The following SYNE2 variants were observed in gnomAD, a reference collection of about 807,000 sequenced individuals.
SYNE2 encodes the protein spectrin repeat containing nuclear envelope protein 2.
SYNE2 carries 431 observed loss-of-function variants against 856.3 expected under a neutral mutation model. That is an observed-to-expected ratio of 0.50 (90% confidence interval 0.47 to 0.55). The LOEUF (loss-of-function observed/expected upper bound fraction) is 0.55, where lower values mean the gene tolerates loss of function less well. SYNE2 is among the 20% of genes least tolerant of loss of function. SYNE2 has a pLI of 0.00. For synonymous variants in SYNE2, 2,923 were observed against 2,872.3 expected (o/e 1.02, Z -0.56); for missense variants, 8,129 against 8,023.2 (o/e 1.01, Z -0.50).
chr14:64,008,921 C>T (rs1038048704), intron 31 of SYNE2, among the ~76,000 whole-genome samples: 2 of 152,146 alleles, frequency 1.3e-5, no homozygotes, highest in Non-Finnish European at 2.9e-5. Flanking sequence ...CTGTGTGCCT[C>T]GGCCTCCCTG....
In SYNE2 at chr14:64,167,351, G is replaced by T. The variant is rs1465502471; in HGVS notation, c.16724G>T (p.Trp5575Leu). The change falls in exon 91 of 116, where the codon TGG becomes TTG. Residue 5575 changes from tryptophan to leucine, a missense_variant. Around this residue, in one of 3 missense-constraint regions of SYNE2, gnomAD observed 5,410 missense variants for 5,284.8 expected, o/e 1.02. Transcript: ENST00000555002. Reference sequence around the variant, plus strand: ...ACGTTACAAAATATGAACCGGCAATGGATTCGGGCCACGGCCACGGCACTG... The same window carrying T: ...ACGTTACAAAATATGAACCGGCAATTGATTCGGGCCACGGCCACGGCACTG... ...VKTLQNMNRQ[W>L]IRATATALER... 1 of 1,614,204 alleles carries T rather than the reference G, an allele frequency of 6.2e-7. No individual in the cohort carries two copies. Among genetic ancestry groups the T allele is most frequent in the Non-Finnish European group, 8.5e-7 (1 of 1,180,018 alleles).
At chr14:63,973,250 C>T (rs1053746080) in intron 11 of SYNE2, among the ~76,000 whole-genome samples, 1 of 151,352 alleles carries the variant, frequency 6.6e-6, no homozygotes, top group Non-Finnish European at 1.5e-5. Context: ...CGTCTCAAAA[C>T]AAAAAGAAAA....
At chr14:64,068,588 G>C (rs897147605) in intron 51 of SYNE2, among the ~76,000 whole-genome samples, 4 of 152,092 alleles carry the variant, frequency 2.6e-5, no homozygotes, top group African/African-American at 9.7e-5. Flanking sequence ...GTGGCCAGGA[G>C]CAGTGGCTCA....
chr14:63,963,418 A>G (rs2096348392), intron 9 of SYNE2, among the ~76,000 whole-genome samples: 1 of 152,256 alleles, frequency 6.6e-6, no homozygotes. Context: ...AAGCAAGTTT[A>G]CCACCTAAGC....
chr14:63,905,530 C>T (rs2095397192), intron 1 of SYNE2, among the ~76,000 whole-genome samples: 1 of 152,086 alleles, frequency 6.6e-6, no homozygotes, highest in Admixed American at 6.6e-5. Context: ...CTTTGGTTAG[C>T]TGTGTTCCTA....
rs34198434 is a variant in SYNE2 at position 63,959,287 on chromosome 14, CTTTTTTTTTTTT to C, written c.788-2223_788-2212del. Among the ~76,000 whole-genome samples, 22 of 81,374 alleles carry C rather than the reference CTTTTTTTTTTTT, an allele frequency of 2.7e-4. No homozygotes were observed. The East Asian group carries it at 2.9e-3, about 11-fold the overall frequency. 53.4% of individuals were successfully genotyped at this position (81,374 alleles called of 152,430 possible). The stretch of plus-strand genomic sequence containing the variant: ...CCATATTCTTTTTTCTTTTCTTCTT[CTTTTTTTTTTTT>C]TTTTTTTTTTTTTTGAGATGGAGTC... On this transcript the variant is annotated intron_variant, in intron 8 of 115. Coordinates refer to ENST00000555002, the MANE Select transcript of SYNE2 (RefSeq NM_182914.3).
chr14:63,831,001 C>T (rs1290023325), intron 1 of SYNE2, among the ~76,000 whole-genome samples: 3 of 151,730 alleles, frequency 2.0e-5, no homozygotes, highest in African/African-American at 4.8e-5. Flanking sequence ...CCACCCTGCC[C>T]GGCTAATTTT....
At chr14:64,101,101 G>A (rs935804020) in intron 63 of SYNE2, among the ~76,000 whole-genome samples, 1 of 152,156 alleles carries the variant, frequency 6.6e-6, no homozygotes, top group African/African-American at 2.4e-5. Context: ...TGTGAACAGT[G>A]CTGCATTGAA....
intron 1 of SYNE2, among the ~76,000 whole-genome samples, chr14:63,790,210 TAGTCCC>T (rs1456359616): frequency 3.3e-5 from 5 of 151,958 alleles, no homozygotes; most frequent in Non-Finnish European, 5.9e-5. Flanking sequence ...CATGCACCTG[TAGTCCC>T]AGCTACTCAG....
In SYNE2 at chr14:64,053,675, T is replaced by C; in HGVS notation, c.9744+18T>C. On this transcript the variant is annotated intron_variant, in intron 48 of 115. Coordinates refer to ENST00000555002, the MANE Select transcript of SYNE2 (RefSeq NM_182914.3). ...TGCGCACAGTAAGTTTTAAAAATTATGCAGTTAGTGGCTGGGTGCGGGGGC... is the reference window on the plus strand; with the variant it reads ...TGCGCACAGTAAGTTTTAAAAATTACGCAGTTAGTGGCTGGGTGCGGGGGC... 6.8e-6 allele frequency: 11 copies of C among 1,610,952 alleles called. No homozygotes were observed. Among genetic ancestry groups the C allele is most frequent in the East Asian group, 2.2e-5 (1 of 44,840 alleles).
chr14:63,868,474 T>TAA (rs570492284), intron 1 of SYNE2, among the ~76,000 whole-genome samples: 28 of 138,376 alleles, frequency 2.0e-4, no homozygotes, highest in African/African-American at 6.6e-4. Flanking sequence ...GACCCTGCCT[T>TAA]AAAAAAAAAA....
At chr14:64,095,730 C>A (rs2097671158) in intron 61 of SYNE2, among the ~76,000 whole-genome samples, 1 of 152,100 alleles carries the variant, frequency 6.6e-6, no homozygotes, top group East Asian at 1.9e-4. Context: ...TGCATACTTT[C>A]CATTTTTTCA....
chr14:63,896,045 C>T (rs1263473327), intron 1 of SYNE2, among the ~76,000 whole-genome samples: 1 of 152,060 alleles, frequency 6.6e-6, no homozygotes, highest in African/African-American at 2.4e-5. Context: ...TGGATGTAGA[C>T]AGTGGTAAAG....
At chr14:63,942,296 C>A (rs2095929618) in intron 6 of SYNE2, among the ~76,000 whole-genome samples, 153 bp downstream of exon 6, 1 of 152,034 alleles carries the variant, frequency 6.6e-6, no homozygotes, top group Non-Finnish European at 1.5e-5. Context: ...TAATAGCAGA[C>A]TTTTTGCCAT....
At chr14:63,995,000 AT>A in intron 22 of SYNE2, 43 bp from the exon 23 acceptor site, 1 of 1,288,956 alleles carries the variant, frequency 7.8e-7, no homozygotes, top group Non-Finnish European at 1.1e-6. Flanking sequence ...TTTTTTGTAT[AT>A]TTTGTTCTCA....
intron 11 of SYNE2, among the ~76,000 whole-genome samples, chr14:63,968,328 T>C (rs1012436519): frequency 6.6e-6 from 1 of 152,172 alleles, no homozygotes; most frequent in Non-Finnish European, 1.5e-5. Context: ...TGGTCCTCTT[T>C]TAAGTAGGGA....
At position 63,987,380 on chromosome 14, in the gene SYNE2, A is replaced by G. The variant is rs183741242; in HGVS notation, c.2313+763A>G. Among the ~76,000 whole-genome samples, 535 of 152,198 alleles carry G rather than the reference A, an allele frequency of 3.5e-3. 5 individuals carry two copies. Among genetic ancestry groups the G allele is most frequent in the Non-Finnish European group, 6.6e-3 (447 of 68,012 alleles). On this transcript the variant is annotated intron_variant, in intron 19 of 115. Transcript: ENST00000555002. ...GTTGTTAGATCTCCATTCTGTCTTTATTCTCAGGCAGTCAACTCATTGAAA... is the reference window on the plus strand; with the variant it reads ...GTTGTTAGATCTCCATTCTGTCTTTGTTCTCAGGCAGTCAACTCATTGAAA...
Position 64,056,008 on chromosome 14 carries a change from A to G in SYNE2, c.9809A>G (p.Glu3270Gly). The G allele has an allele frequency of 6.2e-7, 1 of 1,614,088 alleles. No homozygotes were observed. Among genetic ancestry groups the G allele is most frequent in the Non-Finnish European group, 8.5e-7 (1 of 1,179,918 alleles). The change falls in exon 49 of 116, where the codon GAG becomes GGG. Residue 3270 changes from glutamate (E) to glycine (G), a missense_variant. By Grantham distance (98) the Glu-to-Gly change is moderately conservative. This residue lies in a region of SYNE2 where 5,410 missense variants were observed against 5,284.8 expected (regional missense o/e 1.02). Coordinates refer to ENST00000555002, the MANE Select transcript of SYNE2 (RefSeq NM_182914.3). The stretch of plus-strand genomic sequence containing the variant: ...AAAGAAGCAGTCACCAGGGCAGTGG[A>G]GAGCATCACTTCCCTCGAAGCCATC... ...RYKEAVTRAV[E>G]SITSLEAIII...
intron 61 of SYNE2, among the ~76,000 whole-genome samples, chr14:64,095,980 T>C (rs1014768317): frequency 2.0e-5 from 3 of 152,154 alleles, no homozygotes; most frequent in Admixed American, 2.0e-4. Flanking sequence ...GCCCTTCTGC[T>C]TTGTGCCGTG....
Sources: allele counts gnomAD v4.1 joint callset (sites outside exome capture counted in the v4.1 genomes callset), GRCh38; gene constraint gnomAD v4.1.1; regional missense constraint gnomAD v4.1.1; transcripts MANE v1.5; gene names NCBI Gene and HGNC (gene_info 2026-07-23, HGNC 2026-07-21).